Variants in MPPED2 observed in about 807,000 individuals in gnomAD.
The protein encoded by MPPED2 is metallophosphoesterase domain containing 2, also known as metallophosphoesterase MPPED2.
Under a neutral mutation model 33.0 loss-of-function variants are expected in MPPED2, and 5 were observed. That is an observed-to-expected ratio of 0.15 (90% confidence interval 0.08 to 0.32). The LOEUF is 0.32. Ranked by LOEUF, MPPED2 falls within the 10% of genes least tolerant of loss-of-function variation. MPPED2 has a pLI of 1.00. For synonymous variants in MPPED2, 136 were observed against 141.9 expected, an observed-to-expected ratio of 0.96 and a Z score of 0.29; for missense variants, 275 against 372.1, an observed-to-expected ratio of 0.74 and a Z score of 2.15.
At chr11:30,541,321 C>T (rs181083605) in intron 2 of MPPED2, among the ~76,000 whole-genome samples, 30 of 152,180 alleles carry the variant, frequency 2.0e-4, no homozygotes, top group Admixed American at 1.2e-3. Flanking sequence ...ATTCCTCTTC[C>T]GGCCATATTT....
intron 4 of MPPED2, among the ~76,000 whole-genome samples, chr11:30,489,546 T>G (rs980284617): frequency 6.6e-6 from 1 of 152,210 alleles, no homozygotes; most frequent in Non-Finnish European, 1.5e-5. Flanking sequence ...CTCAACAGAC[T>G]TTCTCTTCCT....
intron 2 of MPPED2, among the ~76,000 whole-genome samples, chr11:30,579,584 T>C (rs1415117149): frequency 6.6e-6 from 1 of 152,172 alleles, no homozygotes; most frequent in African/African-American, 2.4e-5. Flanking sequence ...CTTTGCTCCT[T>C]AAACAGTTTA....
chr11:30,505,448 T>C (rs1004448060), intron 3 of MPPED2, among the ~76,000 whole-genome samples: 2 of 152,230 alleles, frequency 1.3e-5, no homozygotes, highest in East Asian at 3.8e-4. Context: ...GAATCCCTAG[T>C]GGTAACCGTC....
At chr11:30,546,011 CACCACGCCA>C (rs977371270) in intron 2 of MPPED2, among the ~76,000 whole-genome samples, 6 of 152,120 alleles carry the variant, frequency 3.9e-5, no homozygotes, top group African/African-American at 1.4e-4. Flanking sequence ...AGGTGTCTGC[CACCACGCCA>C]TGTTGGCCAG....
intron 4 of MPPED2, among the ~76,000 whole-genome samples, chr11:30,485,822 C>A (rs1439751387): frequency 1.3e-5 from 2 of 152,148 alleles, no homozygotes; most frequent in Non-Finnish European, 2.9e-5. Flanking sequence ...ATAGATGAAC[C>A]CTTGAGAGGG....
chr11:30,535,279 A>T (rs1320519138), intron 3 of MPPED2, among the ~76,000 whole-genome samples: 1 of 151,800 alleles, frequency 6.6e-6, no homozygotes, highest in Non-Finnish European at 1.5e-5. Context: ...TTTACTATAT[A>T]ATTCTTTCGT....
rs548494466 is a variant in MPPED2 at position 30,509,341 on chromosome 11, A to G, written c.311-13820T>C. ...TGTTACAATTTCAAAAGAGAAGGGA[A>G]TTATTGCTGCATGGTTGACACTATG... On this transcript the variant is annotated intron_variant, in intron 3 of 6. Coordinates refer to ENST00000358117, the MANE Select transcript of MPPED2 (RefSeq NM_001584.3). Among the ~76,000 whole-genome samples the G allele has an allele frequency of 3.7e-4, 56 of 152,328 alleles. 2 individuals carry two copies. In the South Asian group the frequency reaches 0.011, roughly 31 times the overall value.
chr11:30,453,544 C>A (rs892064980), intron 4 of MPPED2, among the ~76,000 whole-genome samples: 2 of 152,224 alleles, frequency 1.3e-5, no homozygotes, highest in Non-Finnish European at 2.9e-5. Flanking sequence ...CCAAGCCCTA[C>A]GTACCTACTT....
chr11:30,425,848 T>C (rs1039346738), intron 4 of MPPED2, among the ~76,000 whole-genome samples: 2 of 152,162 alleles, frequency 1.3e-5, no homozygotes, highest in African/African-American at 4.8e-5. Flanking sequence ...AATCTCACAG[T>C]TCCCATCATC....
At chr11:30,500,490 G>A (rs1476218090) in intron 3 of MPPED2, among the ~76,000 whole-genome samples, 2 of 152,198 alleles carry the variant, frequency 1.3e-5, no homozygotes, top group Admixed American at 6.5e-5. Context: ...GCAGCATGGG[G>A]ATAAGAATGG....
chr11:30,570,881 C>T (rs1487289267), intron 2 of MPPED2, among the ~76,000 whole-genome samples: 1 of 152,112 alleles, frequency 6.6e-6, no homozygotes, highest in African/African-American at 2.4e-5. Flanking sequence ...GCCAAAAAAG[C>T]CCACAGCAAG....
chr11:30,501,583 C>T, intron 3 of MPPED2: 2 of 966,762 alleles, frequency 2.1e-6, no homozygotes, highest in Non-Finnish European at 2.5e-6. Flanking sequence ...GCCGAGTGGC[C>T]TCTCATTCAT....
chr11:30,482,578 T>C (rs915522698), intron 4 of MPPED2, among the ~76,000 whole-genome samples: 1 of 152,238 alleles, frequency 6.6e-6, no homozygotes, highest in Non-Finnish European at 1.5e-5. Context: ...TCATTGTTTT[T>C]TCTACTGTTA....
At chr11:30,520,681 A>G (rs964200221) in intron 3 of MPPED2, among the ~76,000 whole-genome samples, 7 of 152,258 alleles carry the variant, frequency 4.6e-5, no homozygotes, top group African/African-American at 1.7e-4. Context: ...TAAATAGCCT[A>G]TAAAACATAC....
chr11:30,397,764 C>T (rs1947856645), intron 6 of MPPED2, among the ~76,000 whole-genome samples: 1 of 152,136 alleles, frequency 6.6e-6, no homozygotes, highest in Non-Finnish European at 1.5e-5. Context: ...ATAAACACCT[C>T]ACTAGCTAGT....
chr11:30,535,855 A>T (rs1367383785), intron 3 of MPPED2, 139 bp downstream of exon 3: 1 of 604,876 alleles, frequency 1.7e-6, no homozygotes, highest in African/African-American at 1.9e-5. Flanking sequence ...ACAGAATTGG[A>T]TTAAAGCTAG....
At chr11:30,543,002 C>A (rs1218845875) in intron 2 of MPPED2, among the ~76,000 whole-genome samples, 2 of 152,070 alleles carry the variant, frequency 1.3e-5, no homozygotes, top group Admixed American at 6.6e-5. Flanking sequence ...TCAAAAATAT[C>A]CAAGTTTTAG....
chr11:30,442,720 C>G lies in MPPED2; in HGVS notation c.537-25087G>C, dbSNP rs752095671. The stretch of plus-strand genomic sequence containing the variant: ...GGGGCTCTTTTCAAAAAAAAGTTAT[C>G]ACCATTAAGCCAGGCACGGTGACTC... On this transcript the variant is annotated intron_variant, in intron 4 of 6. Transcript: ENST00000358117. Among the ~76,000 whole-genome samples the G allele has an allele frequency of 2.6e-4, 40 of 152,112 alleles. 1 individual carries two copies. The highest frequency in any genetic ancestry group is 1.2e-4 in the Non-Finnish European group (8 of 68,022).
intron 3 of MPPED2, among the ~76,000 whole-genome samples, chr11:30,522,362 TAAACTC>T (rs1398052097): frequency 6.0e-5 from 9 of 149,328 alleles, no homozygotes; most frequent in Non-Finnish European, 1.2e-4. Flanking sequence ...GTCTATGACT[TAAACTC>T]AAATGCTTCA....
Sources: allele counts gnomAD v4.1 joint callset (sites outside exome capture counted in the v4.1 genomes callset), GRCh38; gene constraint gnomAD v4.1.1; transcripts MANE v1.5; gene names NCBI Gene and HGNC (gene_info 2026-07-23, HGNC 2026-07-21).